VAV3: variants seen among roughly 807,000 people sequenced by gnomAD.
VAV3 encodes the protein vav guanine nucleotide exchange factor 3, also known as guanine nucleotide exchange factor VAV3.
Under a neutral mutation model 131.2 loss-of-function variants are expected in VAV3, and 94 were observed. The ratio of observed to expected loss-of-function variants is 0.72; its 90% CI spans 0.61 to 0.85. The LOEUF (loss-of-function observed/expected upper bound fraction) is 0.85, where lower values mean the gene tolerates loss of function less well. Ranked by LOEUF, VAV3 falls within the 40% of genes least tolerant of loss-of-function variation. The pLI, the probability that VAV3 is intolerant of heterozygous loss-of-function variation, is 0.00. For synonymous variants in VAV3, 349 were observed against 342.0 expected (o/e 1.02, Z -0.22); for missense variants, 939 against 1,002.7 (o/e 0.94, Z 0.86).
chr1:107,590,127 A>G (rs1650824851), intron 25 of VAV3, among the ~76,000 whole-genome samples: 1 of 152,200 alleles, frequency 6.6e-6, no homozygotes, highest in Non-Finnish European at 1.5e-5. Context: ...TCTTCCTGCA[A>G]GGTCAAACTT....
At chr1:107,770,568 C>A in intron 6 of VAV3, 68 bp downstream of exon 6, 1 of 1,009,786 alleles carries the variant, frequency 9.9e-7, no homozygotes, top group Non-Finnish European at 1.5e-6. Context: ...TCAGAAGAAA[C>A]AGTGAGTCTA....
At chr1:107,817,986 T>A (rs1211410700) in intron 2 of VAV3, among the ~76,000 whole-genome samples, 2 of 152,172 alleles carry the variant, frequency 1.3e-5, no homozygotes, top group African/African-American at 2.4e-5. Context: ...TAGACACCAT[T>A]CACACAGAGG....
At chr1:107,853,468 G>A (rs1669321703) in intron 2 of VAV3, among the ~76,000 whole-genome samples, 1 of 151,616 alleles carries the variant, frequency 6.6e-6, no homozygotes, top group Non-Finnish European at 1.5e-5. Flanking sequence ...TTACTTGGGG[G>A]TACTTTTTGA....
At chr1:107,923,478 C>A (rs1181143963) in intron 1 of VAV3, among the ~76,000 whole-genome samples, 1 of 152,012 alleles carries the variant, frequency 6.6e-6, no homozygotes, top group African/African-American at 2.4e-5. Flanking sequence ...TTAGTCCGTT[C>A]TCACACTGCT....
intron 1 of VAV3, among the ~76,000 whole-genome samples, chr1:107,932,920 C>T (rs1014491934): frequency 2.0e-5 from 3 of 152,188 alleles, no homozygotes; most frequent in East Asian, 3.9e-4. Flanking sequence ...CCCAGTGAAA[C>T]TGATTTTGAA....
At chr1:107,582,181 G>C (rs1650101032) in intron 25 of VAV3, among the ~76,000 whole-genome samples, 1 of 152,128 alleles carries the variant, frequency 6.6e-6, no homozygotes, top group South Asian at 2.1e-4. Flanking sequence ...CAGTCTAGGA[G>C]GTTCGTTTTG....
chr1:107,932,503 A>G (rs1673489376), intron 1 of VAV3, among the ~76,000 whole-genome samples: 1 of 152,260 alleles, frequency 6.6e-6, no homozygotes, highest in South Asian at 2.1e-4. Context: ...CATAGGGTCT[A>G]TGCTGCAAGG....
At chr1:107,811,636 G>A (rs1293135303) in intron 2 of VAV3, among the ~76,000 whole-genome samples, 2 of 151,982 alleles carry the variant, frequency 1.3e-5, no homozygotes, top group Non-Finnish European at 2.9e-5. Flanking sequence ...AGACCACTTC[G>A]ATAACTGGAA....
At chr1:107,582,891 A>C (rs896473545) in intron 25 of VAV3, among the ~76,000 whole-genome samples, 1 of 152,090 alleles carries the variant, frequency 6.6e-6, no homozygotes, top group African/African-American at 2.4e-5. Flanking sequence ...ATGTGTCTTT[A>C]TAGCAGCATG....
At chr1:107,938,541 C>T (rs1673834868) in intron 1 of VAV3, among the ~76,000 whole-genome samples, 1 of 152,144 alleles carries the variant, frequency 6.6e-6, no homozygotes, top group East Asian at 1.9e-4. Flanking sequence ...GAGGGAAGAG[C>T]TTGCAGCCTA....
At chr1:107,730,203 T>C (rs772248075) in intron 15 of VAV3, among the ~76,000 whole-genome samples, 12 of 152,228 alleles carry the variant, frequency 7.9e-5, no homozygotes, top group Admixed American at 2.6e-4. Flanking sequence ...CAGTCTAAAG[T>C]GTACCCTGAA....
At chr1:107,781,660 A>G (rs927339556) in intron 2 of VAV3, among the ~76,000 whole-genome samples, 1 of 152,172 alleles carries the variant, frequency 6.6e-6, no homozygotes, top group African/African-American at 2.4e-5. Context: ...ACTGACCCCA[A>G]AATTGTATAT....
chr1:107,758,333 G>A (rs939401701), intron 10 of VAV3, among the ~76,000 whole-genome samples: 6 of 152,046 alleles, frequency 3.9e-5, no homozygotes, highest in Non-Finnish European at 8.8e-5. Context: ...ACATTTCCAG[G>A]CTGAGATGGG....
intron 2 of VAV3, among the ~76,000 whole-genome samples, chr1:107,855,405 T>TA (rs1251726674): frequency 6.6e-6 from 1 of 152,114 alleles, no homozygotes; most frequent in East Asian, 1.9e-4. Context: ...GCCTCCTGAG[T>TA]AGCTGCAACT....
rs182638010 is a variant in VAV3 at position 107,876,925 on chromosome 1, A to G, written c.205-1908T>C. 3.1e-3 allele frequency among the ~76,000 whole-genome samples: 432 copies of G among 139,632 alleles called. 2 individuals carry two copies. Among genetic ancestry groups the G allele is most frequent in the African/African-American group, 0.011 (409 of 38,354 alleles). The allele number at this position is 139,632 out of a possible 152,430, so 91.6% of individuals were successfully genotyped here. On this transcript the variant is annotated intron_variant, in intron 1 of 26. Coordinates refer to ENST00000370056, the MANE Select transcript of VAV3 (RefSeq NM_006113.5). ...AAAAGTGTTGCCAATGTCTTAATTCATTGTTTTGTTTATCTTGGTTTGTTT... is the reference window on the plus strand; with the variant it reads ...AAAAGTGTTGCCAATGTCTTAATTCGTTGTTTTGTTTATCTTGGTTTGTTT...
intron 1 of VAV3, among the ~76,000 whole-genome samples, chr1:107,898,648 T>C (rs1049021166): frequency 6.6e-6 from 1 of 152,202 alleles, no homozygotes; most frequent in Non-Finnish European, 1.5e-5. Context: ...TATGTTTTAT[T>C]ACACTTAATG....
intron 12 of VAV3, among the ~76,000 whole-genome samples, chr1:107,753,527 CGTAT>C (rs1306266355): frequency 6.2e-4 from 59 of 94,752 alleles, no homozygotes; most frequent in East Asian, 2.0e-3. Flanking sequence ...TATATATATA[CGTAT>C]ATATATATAT....
At chr1:107,781,565 CAAAAG>C (rs900150197) in intron 2 of VAV3, among the ~76,000 whole-genome samples, 4 of 151,802 alleles carry the variant, frequency 2.6e-5, no homozygotes, top group Non-Finnish European at 5.9e-5. Context: ...GTTACATAAA[CAAAAG>C]AGAAGGGAGC....
chr1:107,732,177 T>C (rs1461337332), intron 15 of VAV3, among the ~76,000 whole-genome samples: 1 of 152,226 alleles, frequency 6.6e-6, no homozygotes, highest in Non-Finnish European at 1.5e-5. Context: ...TCATATACCT[T>C]GCAATTTATC....
Sources: gnomAD v4.1 joint callset for allele counts (sites outside exome capture counted in the v4.1 genomes callset) on GRCh38, gnomAD v4.1.1 for gene constraint, MANE v1.5 for transcripts, NCBI Gene and HGNC (gene_info 2026-07-23, HGNC 2026-07-21) for gene names.